MAP4K5: variants seen among roughly 807,000 people sequenced by gnomAD.
MAP4K5 encodes mitogen-activated protein kinase kinase kinase kinase 5.
MAP4K5 carries 82 observed loss-of-function variants against 135.6 expected under a neutral mutation model. That is an observed-to-expected ratio of 0.60 (90% CI 0.51 to 0.73). The LOEUF (loss-of-function observed/expected upper bound fraction) is 0.73, where lower values mean the gene tolerates loss of function less well. MAP4K5 is among the 30% of genes least tolerant of loss of function. MAP4K5 has a pLI of 0.00. For missense variants in MAP4K5, 907 were observed against 1,010.9 expected (o/e 0.90, Z 1.39); for synonymous variants, 347 against 335.0 (o/e 1.04, Z -0.39).
chr14:50,475,218 T>G, intron 8 of MAP4K5, 69 bp from the exon 9 acceptor site: 2 of 1,139,186 alleles, frequency 1.8e-6, no homozygotes, highest in East Asian at 4.7e-5. Context: ...ACTTTCGCCC[T>G]TAGGCATGGC....
intron 2 of MAP4K5, among the ~76,000 whole-genome samples, chr14:50,517,151 A>C (rs1201546802): frequency 6.7e-6 from 1 of 148,964 alleles, no homozygotes; most frequent in East Asian, 2.0e-4. Flanking sequence ...AAATTACAAT[A>C]CTTTTTTTTT....
At chr14:50,553,060 T>G (rs2038722579) in intron 1 of MAP4K5, among the ~76,000 whole-genome samples, 1 of 152,004 alleles carries the variant, frequency 6.6e-6, no homozygotes, top group Admixed American at 6.6e-5. Flanking sequence ...TTTGGGAGGC[T>G]GAGGCGGGTA....
intron 3 of MAP4K5, among the ~76,000 whole-genome samples, chr14:50,491,999 A>C (rs1331794397): frequency 6.6e-6 from 1 of 152,106 alleles, no homozygotes; most frequent in South Asian, 2.1e-4. Flanking sequence ...AGCTTTCAGA[A>C]AGTTAGCACA....
intron 1 of MAP4K5, among the ~76,000 whole-genome samples, chr14:50,555,422 C>T (rs1319160791): frequency 1.3e-5 from 2 of 152,180 alleles, no homozygotes; most frequent in East Asian, 1.9e-4. Flanking sequence ...GCTGGGACTA[C>T]AGGTGCACGC....
At chr14:50,526,485 G>A (rs1343742188) in intron 2 of MAP4K5, among the ~76,000 whole-genome samples, 3 of 152,114 alleles carry the variant, frequency 2.0e-5, no homozygotes, top group Non-Finnish European at 4.4e-5. Flanking sequence ...TAATAGAGAT[G>A]GGGTTTTGCC....
chr14:50,426,768 C>A (rs915750977), intron 30 of MAP4K5, among the ~76,000 whole-genome samples: 4 of 152,052 alleles, frequency 2.6e-5, no homozygotes, highest in African/African-American at 9.7e-5. Context: ...AAACCTGCCC[C>A]ACAATCCAAC....
intron 1 of MAP4K5, chr14:50,560,255 C>T (rs368495971): frequency 9.9e-6 from 16 of 1,613,920 alleles, no homozygotes; most frequent in Non-Finnish European, 1.2e-5. Flanking sequence ...GCCACCAGCT[C>T]CTGGACCACC....
chr14:50,484,163 T>C (rs1174699872), intron 5 of MAP4K5, among the ~76,000 whole-genome samples: 2 of 152,090 alleles, frequency 1.3e-5, no homozygotes, highest in African/African-American at 4.8e-5. Context: ...TAGAAAAAAA[T>C]TAAATCCAGT....
In MAP4K5 at chr14:50,435,068, G is replaced by A. The variant is rs567497890; in HGVS notation, c.1883-3C>T. 9.0e-6 allele frequency: 14 copies of A among 1,553,702 alleles called. No individual in the cohort carries two copies. In the East Asian group the frequency reaches 2.7e-4, roughly 30 times the overall value. On this transcript the variant is annotated splice_region_variant and splice_polypyrimidine_tract_variant and intron_variant, in intron 26 of 32. Coordinates refer to ENST00000682126, the MANE Select transcript of MAP4K5 (RefSeq NM_006575.6). Reference sequence around the variant, plus strand: ...ATGTCCCGTGTAAGGGTTTCTGACTGGAAAGAAATAAACAAACAAAAAACC... The same window carrying A: ...ATGTCCCGTGTAAGGGTTTCTGACTAGAAAGAAATAAACAAACAAAAAACC...
At chr14:50,506,776 C>T (rs2037818750) in intron 2 of MAP4K5, among the ~76,000 whole-genome samples, 1 of 152,192 alleles carries the variant, frequency 6.6e-6, no homozygotes, top group East Asian at 1.9e-4. Context: ...CTTTTAACTC[C>T]TCTCTTTCAT....
chr14:50,441,120 C>T lies in MAP4K5; in HGVS notation c.1565-679G>A, dbSNP rs114908326. On this transcript the variant is annotated intron_variant, in intron 21 of 32. Transcript: ENST00000682126. ...ATAAGTTTAAACTGATATAAATAAA[C>T]GAATGAATAAGTGGGAAAGAAGATA... 5.9e-3 allele frequency among the ~76,000 whole-genome samples: 901 copies of T among 152,098 alleles called. 9 individuals are homozygous for T. The highest frequency in any genetic ancestry group is 0.02 in the African/African-American group (841 of 41,514).
At position 50,540,930 on chromosome 14, in the gene MAP4K5, C is replaced by T. The variant is rs78607415; in HGVS notation, c.-94+1569G>A. ...GATACAAGTCTTTTCCTTTTAACTC[C>T]TCTTGGCTTGTGCAATAGCCAAATT... is the stretch of plus-strand genomic sequence containing the variant. On this transcript the variant is annotated intron_variant, in intron 2 of 8. Coordinates refer to the MAP4K5 transcript ENST00000555216. Among the ~76,000 whole-genome samples the T allele has an allele frequency of 9.0e-3, 1,374 of 152,286 alleles. 19 individuals are homozygous for T. The highest frequency in any genetic ancestry group is 0.031 in the African/African-American group (1,274 of 41,536).
chr14:50,436,506 T>G (rs934346537), intron 26 of MAP4K5, among the ~76,000 whole-genome samples: 7 of 151,858 alleles, frequency 4.6e-5, no homozygotes, highest in Non-Finnish European at 1.0e-4. Context: ...AGATGACCTT[T>G]AGTGGGGCTG....
intron 2 of MAP4K5, among the ~76,000 whole-genome samples, chr14:50,515,109 G>A (rs149212412): frequency 0.014 from 2,141 of 152,072 alleles, 48 homozygotes; most frequent in African/African-American, 0.047. Context: ...TCACCATGTT[G>A]GCCAGGATGG....
chr14:50,517,400 C>T (rs1057419335), intron 2 of MAP4K5, among the ~76,000 whole-genome samples: 3 of 151,878 alleles, frequency 2.0e-5, no homozygotes, highest in Non-Finnish European at 2.9e-5. Flanking sequence ...GATTCGCTCA[C>T]CTCGGCCTCC....
At chr14:50,551,474 G>A (rs2038701979) in intron 1 of MAP4K5, among the ~76,000 whole-genome samples, 1 of 152,026 alleles carries the variant, frequency 6.6e-6, no homozygotes, top group Admixed American at 6.6e-5. Flanking sequence ...CAATTCTACT[G>A]AAACTATTTC....
rs79886687 is a variant in MAP4K5, at chr14:50,508,713, A to C, written c.109-3856T>G. Reference sequence around the variant, plus strand: ...ACATGTACCCTAGAACTTAAAGTATAAAAAAAAAAAGGCAACAACAGATGC... The same window carrying C: ...ACATGTACCCTAGAACTTAAAGTATCAAAAAAAAAAGGCAACAACAGATGC... On this transcript the variant is annotated intron_variant, in intron 2 of 32. Coordinates refer to ENST00000682126, the MANE Select transcript of MAP4K5 (RefSeq NM_006575.6). 4.3e-5 allele frequency among the ~76,000 whole-genome samples: 6 copies of C among 137,974 alleles called. No individual in the cohort carries two copies. In the South Asian group the frequency reaches 1.4e-3, roughly 32 times the overall value. 90.5% of individuals were successfully genotyped at this position (137,974 alleles called of 152,430 possible).
chr14:50,519,850 A>G (rs1439651657), intron 2 of MAP4K5, among the ~76,000 whole-genome samples: 4 of 152,176 alleles, frequency 2.6e-5, no homozygotes, highest in African/African-American at 9.7e-5. Flanking sequence ...CAATTCCTGG[A>G]AAAAACTGGT....
chr14:50,460,832 G>A (rs1040757431), intron 13 of MAP4K5, among the ~76,000 whole-genome samples: 12 of 152,078 alleles, frequency 7.9e-5, no homozygotes, highest in African/African-American at 2.9e-4. Flanking sequence ...GAGTTTGCCT[G>A]GATCTAAATC....
Sources: gnomAD v4.1 joint callset for allele counts (sites outside exome capture counted in the v4.1 genomes callset) on GRCh38, gnomAD v4.1.1 for gene constraint, MANE v1.5 for transcripts, NCBI Gene and HGNC (gene_info 2026-07-23, HGNC 2026-07-21) for gene names.